Variants in VAMP7 observed in about 807,000 individuals in gnomAD.
VAMP7 encodes vesicle associated membrane protein 7.
Under a neutral mutation model 29.6 loss-of-function variants are expected in VAMP7, and 14 were observed. The observed-to-expected ratio is 0.47, with a 90% CI of 0.31 to 0.74. VAMP7 has a LOEUF of 0.74. Among genes scored for constraint, VAMP7 ranks in the 30% least tolerant of loss-of-function variants. The pLI, the probability that VAMP7 is intolerant of heterozygous loss-of-function variation, is 0.05. For missense variants in VAMP7, 223 were observed against 262.4 expected, an observed-to-expected ratio of 0.85 and a Z score of 1.04; for synonymous variants, 95 against 88.1, an observed-to-expected ratio of 1.08 and a Z score of -0.44.
chrX:155,920,761 A>G (rs1216184817), intron 6 of VAMP7, among the ~76,000 whole-genome samples: 1 of 152,210 alleles, frequency 6.6e-6, no homozygotes, highest in African/African-American at 2.4e-5. Context: ...ATTAAATCAG[A>G]TAATGCATGT....
At chrX:155,933,019 ATG>A (rs2066587851) in intron 6 of VAMP7, among the ~76,000 whole-genome samples, 21 of 152,202 alleles carry the variant, frequency 1.4e-4, no homozygotes, top group Admixed American at 1.1e-3. Context: ...TGATTTGTAT[ATG>A]TTGAACCAGC....
chrX:155,904,374 A>AC (rs1413058104), intron 5 of VAMP7, among the ~76,000 whole-genome samples: 1 of 96,902 alleles, frequency 1.0e-5, no homozygotes, highest in Non-Finnish European at 2.1e-5. Context: ...ATAAAATAAA[A>AC]AAAGCAAATT....
intron 5 of VAMP7, among the ~76,000 whole-genome samples, chrX:155,912,427 G>A (rs2066250873): frequency 1.3e-5 from 2 of 151,906 alleles, no homozygotes; most frequent in African/African-American, 4.8e-5. Flanking sequence ...TTGTTACATA[G>A]GTATACACAT....
In VAMP7 at chrX:155,942,212, A is replaced by G; in HGVS notation, c.*261A>G. On this transcript the variant is annotated 3_prime_UTR_variant, in exon 8 of 8. Transcript: ENST00000286448. ...TGTTTATTTCTTTGGTTTGTTAACTAGTGTCATCTATTTAGAGAAACATTT... is the reference window on the plus strand; with the variant it reads ...TGTTTATTTCTTTGGTTTGTTAACTGGTGTCATCTATTTAGAGAAACATTT... The G allele has an allele frequency of 6.6e-7, 1 of 1,505,012 alleles. No homozygotes were observed. The highest frequency in any genetic ancestry group is 8.9e-7 in the Non-Finnish European group (1 of 1,124,310). 93.2% of individuals were successfully genotyped at this position (1,505,012 alleles called of 1,614,324 possible).
rs757949705 is a variant in VAMP7, at chrX:155,889,627, G to C, written c.146+15G>C. 47 of 1,612,856 alleles carry C rather than the reference G, an allele frequency of 2.9e-5. 2 individuals carry two copies. The highest frequency in any genetic ancestry group is 2.8e-4 in the African/African-American group (21 of 75,012). On this transcript the variant is annotated intron_variant, in intron 2 of 7. Coordinates refer to ENST00000286448, the MANE Select transcript of VAMP7 (RefSeq NM_005638.6). ...TCACATGGCAAGTGAGTTCTGTTCT[G>C]CATGTGGTAAGGGATGAAAGAAGGG...
chrX:155,926,337 G>A (rs1023500265), intron 6 of VAMP7, among the ~76,000 whole-genome samples: 1 of 152,174 alleles, frequency 6.6e-6, no homozygotes, highest in African/African-American at 2.4e-5. Context: ...TCTTAGCTAG[G>A]TCTCCTGGAT....
At chrX:155,939,900 C>A in intron 7 of VAMP7, 107 bp downstream of exon 7, 1 of 957,546 alleles carries the variant, frequency 1.0e-6, no homozygotes, top group South Asian at 1.4e-5. Context: ...CTACATATGT[C>A]TTTTAATAGT....
At chrX:155,941,800 A>G in intron 7 of VAMP7, 83 bp from the exon 8 acceptor site, 1 of 1,426,004 alleles carries the variant, frequency 7.0e-7, no homozygotes, top group Non-Finnish European at 9.4e-7. Context: ...GTATTTCTTA[A>G]TAAGGCTCTA....
intron 2 of VAMP7, among the ~76,000 whole-genome samples, chrX:155,890,696 G>C (rs1447720165): frequency 6.6e-6 from 1 of 152,074 alleles, no homozygotes. Flanking sequence ...GATCACTCTG[G>C]TGGCTTATTA....
chrX:155,904,799 T>C (rs2066124176), intron 5 of VAMP7, among the ~76,000 whole-genome samples: 1 of 151,804 alleles, frequency 6.6e-6, no homozygotes, highest in East Asian at 1.9e-4. Flanking sequence ...AATGCATTAA[T>C]GCATTTTATG....
intron 6 of VAMP7, among the ~76,000 whole-genome samples, chrX:155,939,310 A>G (rs2066708997): frequency 6.6e-6 from 1 of 152,170 alleles, no homozygotes; most frequent in South Asian, 2.1e-4. Context: ...ACAGGTTTTT[A>G]TGGCTCAAAG....
At chrX:155,885,269 G>T (rs2065851831) in intron 1 of VAMP7, among the ~76,000 whole-genome samples, 1 of 152,112 alleles carries the variant, frequency 6.6e-6, no homozygotes, top group African/African-American at 2.4e-5. Flanking sequence ...GACCCTTCTA[G>T]CCCTTAGCTC....
chrX:155,912,243 T>C (rs2066247670), intron 5 of VAMP7, among the ~76,000 whole-genome samples: 1 of 152,138 alleles, frequency 6.6e-6, no homozygotes, highest in Non-Finnish European at 1.5e-5. Flanking sequence ...TTTATTTGAA[T>C]ATATAAAAGT....
chrX:155,894,241 T>C (rs2065958301), intron 2 of VAMP7, among the ~76,000 whole-genome samples: 1 of 151,564 alleles, frequency 6.6e-6, no homozygotes, highest in South Asian at 2.1e-4. Context: ...TATACTGCAG[T>C]AGTCTCCTGT....
intron 5 of VAMP7, among the ~76,000 whole-genome samples, chrX:155,915,605 C>T (rs980339276): frequency 6.6e-6 from 1 of 152,034 alleles, no homozygotes; most frequent in Admixed American, 6.5e-5. Flanking sequence ...TTATTTCTGC[C>T]TTAATTTTGT....
chrX:155,914,071 C>T (rs751308971), intron 5 of VAMP7, among the ~76,000 whole-genome samples: 1 of 152,164 alleles, frequency 6.6e-6, no homozygotes, highest in African/African-American at 2.4e-5. Flanking sequence ...TGAAGAGGTC[C>T]TTCACATCCC....
chrX:155,884,839 C>A lies in VAMP7; in HGVS notation c.-10+3391C>A, dbSNP rs190648182. The stretch of plus-strand genomic sequence containing the variant: ...CTCAGTTACCTGAAACTGTCTTCAG[C>A]CTCTACTTGAAGATGCTTCTGCTGA... On this transcript the variant is annotated intron_variant, in intron 1 of 7. Transcript: ENST00000286448. Among the ~76,000 whole-genome samples, 189 of 152,324 alleles carry A rather than the reference C, an allele frequency of 1.2e-3. 2 individuals are homozygous for A. The highest frequency in any genetic ancestry group is 4.4e-3 in the African/African-American group (185 of 41,588).
At chrX:155,899,744 A>C (rs2066036083) in intron 4 of VAMP7, among the ~76,000 whole-genome samples, 1 of 152,090 alleles carries the variant, frequency 6.6e-6, no homozygotes, top group South Asian at 2.1e-4. Flanking sequence ...GCTAGAAACA[A>C]AACTTTCAAA....
intron 5 of VAMP7, among the ~76,000 whole-genome samples, chrX:155,910,958 A>G (rs1478322425): frequency 6.6e-6 from 1 of 151,672 alleles, no homozygotes; most frequent in African/African-American, 2.4e-5. Context: ...CTATTTGTCT[A>G]TTTTTCTTTT....
Sources: gnomAD v4.1 joint callset for allele counts (sites outside exome capture counted in the v4.1 genomes callset) on GRCh38, gnomAD v4.1.1 for gene constraint, MANE v1.5 for transcripts, NCBI Gene and HGNC (gene_info 2026-07-23, HGNC 2026-07-21) for gene names.